Variants in ZNF529 observed in about 807,000 individuals in gnomAD.
The protein encoded by ZNF529 is zinc finger protein 529.
Under a neutral mutation model 10.1 loss-of-function variants are expected in ZNF529, and 11 were observed. That is an observed-to-expected ratio of 1.09 (90% CI 0.69 to 1.81). ZNF529 has a LOEUF of 1.81. ZNF529 is among the 40% of genes most tolerant of loss of function. The pLI, the probability that ZNF529 is intolerant of heterozygous loss-of-function variation, is 0.00. For synonymous variants in ZNF529, 204 were observed against 215.7 expected, an observed-to-expected ratio of 0.95 and a Z score of 0.47; for missense variants, 624 against 666.8, an observed-to-expected ratio of 0.94 and a Z score of 0.71.
chr19:36,572,403 A>G lies in ZNF529; in HGVS notation c.-46-11T>C. 6.5e-7 allele frequency: 1 copy of G among 1,543,622 alleles called. No homozygotes were observed. Among genetic ancestry groups the G allele is most frequent in the South Asian group, 1.2e-5 (1 of 83,698 alleles). ...CCTTCACTTGCAGAACTACATAACC[A>G]AGAGGGAGAAAGGACTCATGACATC... On this transcript the variant is annotated splice_polypyrimidine_tract_variant and intron_variant, in intron 1 of 4. Coordinates refer to ENST00000591340, the MANE Select transcript of ZNF529 (RefSeq NM_020951.5).
In ZNF529 at chr19:36,546,894, AT is replaced by A. The variant is rs1161597209; in HGVS notation, c.1663del (p.Ile555PhefsTer14). 1 of 1,610,620 alleles carries A rather than the reference AT, an allele frequency of 6.2e-7. No homozygotes were observed. Among genetic ancestry groups the A allele is most frequent in the Admixed American group, 1.7e-5 (1 of 59,472 alleles). ...GTCAAATGATTTCTCACCAGTGTAA[AT>A]TTTCGGTTGGCAAGTAAGATGCCCA... ...VVGHLTCQPK[I>X]YTGEKSFD On this transcript the variant is annotated frameshift_variant, in exon 5 of 5. Transcript: ENST00000591340. LOFTEE classifies it low-confidence loss of function (END_TRUNC).
chr19:36,590,211 A>G (rs1231854213), intron 1 of ZNF529, among the ~76,000 whole-genome samples: 8 of 152,032 alleles, frequency 5.3e-5, no homozygotes, highest in African/African-American at 1.9e-4. Context: ...TCTACAAAAT[A>G]CAAAAATTAA....
intron 2 of ZNF529, among the ~76,000 whole-genome samples, chr19:36,571,361 G>T (rs1250007565): frequency 2.6e-5 from 4 of 152,080 alleles, no homozygotes; most frequent in African/African-American, 7.2e-5. Context: ...ATTAACTTCA[G>T]CTGTTTCTTT....
intron 2 of ZNF529, 144 bp from the exon 3 acceptor site, chr19:36,556,341 C>T (rs183650399): frequency 1.6e-6 from 1 of 609,656 alleles, no homozygotes; most frequent in Non-Finnish European, 3.0e-6. Flanking sequence ...CTCCGTGAAC[C>T]AAACCTGAGC....
chr19:36,580,407 A>G lies in ZNF529; in HGVS notation c.-41+9208T>C, dbSNP rs1160422773. On this transcript the variant is annotated intron_variant, in intron 2 of 4. Coordinates refer to the ZNF529 transcript ENST00000585960. The stretch of plus-strand genomic sequence containing the variant: ...ATTGCATGTGCTATACTTTTATACA[A>G]CTGGAAGCACAGTAGGTTTATTTAC... 2.0e-5 allele frequency: 3 copies of G among 152,238 alleles called. No homozygotes were observed. The South Asian group carries it at 6.2e-4, about 31-fold the overall frequency. The allele number at this position is 152,238 out of a possible 1,614,324, so 9.4% of individuals were successfully genotyped here. A position where few individuals can be genotyped will look rare whatever the true frequency, so the allele number is the denominator to read the frequency against.
intron 2 of ZNF529, chr19:36,581,996 TA>T (rs1423435830): frequency 3.3e-5 from 5 of 152,254 alleles, no homozygotes; most frequent in African/African-American, 1.2e-4. Flanking sequence ...GATATTCTAA[TA>T]AGCCAATCAC....
At chr19:36,584,082 T>C (rs1346894538) in intron 2 of ZNF529, among the ~76,000 whole-genome samples, 1 of 150,604 alleles carries the variant, frequency 6.6e-6, no homozygotes, top group Non-Finnish European at 1.5e-5. Flanking sequence ...ACAGTGATAA[T>C]GCAAAACAGA....
intron 2 of ZNF529, 124 bp from the exon 3 acceptor site, chr19:36,556,321 A>G (rs932749904): frequency 4.7e-6 from 3 of 640,628 alleles, no homozygotes; most frequent in East Asian, 5.5e-5. Flanking sequence ...AAGAACTCTT[A>G]GAGTCTAGAC....
At chr19:36,593,697 C>G (rs2036777842) in intron 1 of ZNF529, 1 of 152,116 alleles carries the variant, frequency 6.6e-6, no homozygotes, top group Non-Finnish European at 1.5e-5. Flanking sequence ...TCTTAGATCT[C>G]TGTTACATAG....
rs1054235639 is a variant in ZNF529 at position 36,543,776 on chromosome 19, A to G, written c.*3090T>C. On this transcript the variant is annotated 3_prime_UTR_variant, in exon 5 of 5. Transcript: ENST00000591340. ...AGAGACGTCTCTCCTTCCTCTTCTC[A>G]TAAGATCACCATTTGTATCAAATTA... is the stretch of plus-strand genomic sequence containing the variant. The G allele has an allele frequency of 1.3e-5, 2 of 152,010 alleles. No homozygotes were observed. The highest frequency in any genetic ancestry group is 1.3e-4 in the Admixed American group (2 of 15,256). 9.4% of individuals were successfully genotyped at this position (152,010 alleles called of 1,614,324 possible).
Position 36,547,920 on chromosome 19 carries a change from G to A in ZNF529, c.638C>T (p.Ser213Phe), listed in dbSNP as rs1332728615. 2 of 1,612,536 alleles carry A rather than the reference G, an allele frequency of 1.2e-6. No individual in the cohort carries two copies. Among genetic ancestry groups the A allele is most frequent in the Non-Finnish European group, 1.7e-6 (2 of 1,179,378 alleles). The stretch of plus-strand genomic sequence containing the variant: ...ATGAATATTCAGTTGTAACATACTG[G>A]AGTTATCTATCCCAAAGGTTTTCCA... Reference protein sequence around the residue: ...QCWKTFGIDNSSMLQLNIHTG... With the variant: ...QCWKTFGIDNFSMLQLNIHTG... Residue 213 changes from serine to phenylalanine, a missense_variant, in exon 5 of 5, where the codon TCC (serine) becomes TTC (phenylalanine). Transcript: ENST00000591340.
At chr19:36,575,831 G>C (rs1400695180), upstream of ZNF529, among the ~76,000 whole-genome samples, 1 of 151,498 alleles carries the variant, frequency 6.6e-6, no homozygotes, top group Admixed American at 6.6e-5. Flanking sequence ...GGTTTCACAT[G>C]TGTTTTTTTT....
intron 2 of ZNF529, chr19:36,581,957 CAT>C (rs1464089762): frequency 2.0e-5 from 3 of 152,212 alleles, no homozygotes; most frequent in Admixed American, 6.5e-5. Context: ...GAAATTTTGA[CAT>C]ATGCTACAAT....
At chr19:36,575,833 G>GT (rs543598010), upstream of ZNF529, among the ~76,000 whole-genome samples, 2,121 of 147,634 alleles carry the variant, frequency 0.014, 48 homozygotes, top group African/African-American at 0.046. Flanking sequence ...TTTCACATGT[G>GT]TTTTTTTTTT....
chr19:36,548,935 G>C (rs962965798), intron 4 of ZNF529, among the ~76,000 whole-genome samples: 2 of 152,154 alleles, frequency 1.3e-5, no homozygotes, highest in African/African-American at 4.8e-5. Flanking sequence ...CCCAGGAGGT[G>C]GAGGCTGCAG....
At chr19:36,574,717 C>T (rs1452995723), upstream of ZNF529, 1 of 433,076 alleles carries the variant, frequency 2.3e-6, no homozygotes, top group Non-Finnish European at 4.7e-6. Context: ...TGTGAGATTT[C>T]ATGTGTAGTT....
chr19:36,575,593 T>G (rs2036296673), upstream of ZNF529, among the ~76,000 whole-genome samples: 1 of 152,080 alleles, frequency 6.6e-6, no homozygotes, highest in South Asian at 2.1e-4. Context: ...GTAATTAAAA[T>G]AGTCATTTTC....
chr19:36,600,203 T>G (rs2145294778), intron 1 of ZNF529, among the ~76,000 whole-genome samples: 1 of 152,294 alleles, frequency 6.6e-6, no homozygotes, highest in East Asian at 1.9e-4. Context: ...ATTTCATCAA[T>G]GTACTGAGAC....
At chr19:36,593,391 A>G (rs2036770817) in intron 1 of ZNF529, among the ~76,000 whole-genome samples, 1 of 151,552 alleles carries the variant, frequency 6.6e-6, no homozygotes, top group Non-Finnish European at 1.5e-5. Flanking sequence ...CTACTCTTGA[A>G]CTCCAGGGCT....
Sources: allele counts gnomAD v4.1 joint callset (sites outside exome capture counted in the v4.1 genomes callset), GRCh38; gene constraint gnomAD v4.1.1; transcripts MANE v1.5; gene names NCBI Gene and HGNC (gene_info 2026-07-23, HGNC 2026-07-21).